The following MET variants were observed in gnomAD, a reference collection of about 807,000 sequenced individuals.
MET encodes the protein MET proto-oncogene, receptor tyrosine kinase, also known as hepatocyte growth factor receptor.
Under a neutral mutation model 133.1 loss-of-function variants are expected in MET, and 48 were observed. The observed-to-expected ratio is 0.36, with a 90% CI of 0.29 to 0.46. The LOEUF is 0.46. Among genes scored for constraint, MET ranks in the 20% least tolerant of loss-of-function variants. The pLI, the probability that MET is intolerant of heterozygous loss-of-function variation, is 1.00. For missense variants in MET, 1,442 were observed against 1,695.9 expected, an observed-to-expected ratio of 0.85 and a Z score of 2.63; for synonymous variants, 628 against 616.5, an observed-to-expected ratio of 1.02 and a Z score of -0.28.
intron 2 of MET, among the ~76,000 whole-genome samples, chr7:116,711,055 A>T (rs527888516): frequency 6.6e-6 from 1 of 152,338 alleles, no homozygotes; most frequent in South Asian, 2.1e-4. Flanking sequence ...TGTATAATAA[A>T]ATCTCTGTTC....
Position 116,755,423 on chromosome 7 carries a change from T to G in MET, c.1770T>G (p.Phe590Leu), listed in dbSNP as rs199542598. The G allele has an allele frequency of 6.2e-6, 10 of 1,614,150 alleles. No homozygotes were observed. The highest frequency in any genetic ancestry group is 8.5e-7 in the Non-Finnish European group (1 of 1,180,014). ...CCATATGTGGCTGGGACTTTGGATT[T>G]CGGAGGAATAATAAATTTGATTTAA... ...RLTICGWDFGFRRNNKFDLKK... is the reference protein window; with the variant it reads ...RLTICGWDFGLRRNNKFDLKK... Residue 590 changes from phenylalanine to leucine, a missense_variant, in exon 6 of 21, where the codon TTT (phenylalanine) becomes TTG (leucine). Phe to Leu is a conservative substitution (Grantham distance 22). Around this residue, in one of 6 missense-constraint regions of MET, gnomAD observed 762 missense variants for 792.4 expected, o/e 0.96. Coordinates refer to ENST00000397752, the MANE Select transcript of MET (RefSeq NM_000245.4).
chr7:116,731,978 G>A, intron 3 of MET, 119 bp downstream of exon 3: 1 of 983,532 alleles, frequency 1.0e-6, no homozygotes, highest in Non-Finnish European at 1.6e-6. Flanking sequence ...AGTAGAAACT[G>A]GAACACAGAC....
intron 5 of MET, 94 bp from the exon 6 acceptor site, chr7:116,755,261 A>AT: frequency 7.3e-7 from 1 of 1,378,556 alleles, no homozygotes; most frequent in East Asian, 2.4e-5. Flanking sequence ...ATTTCAGACT[A>AT]TTTAAGGATA....
chr7:116,781,745 G>A (rs1795160459), intron 17 of MET, among the ~76,000 whole-genome samples: 1 of 151,994 alleles, frequency 6.6e-6, no homozygotes, highest in Admixed American at 6.6e-5. Context: ...TTTTTTTGTG[G>A]GCGGTGGATG....
At chr7:116,744,676 G>A (rs1793597067) in intron 5 of MET, among the ~76,000 whole-genome samples, 1 of 152,102 alleles carries the variant, frequency 6.6e-6, no homozygotes, top group Non-Finnish European at 1.5e-5. Flanking sequence ...TTCAAATTCA[G>A]GAAATACAGA....
At chr7:116,754,893 GAGAAAGAAAGAAAGAAAGAA>G (rs542934651) in intron 5 of MET, among the ~76,000 whole-genome samples, 1,786 of 97,424 alleles carry the variant, frequency 0.018, 34 homozygotes, top group South Asian at 0.026. Context: ...GAGAGAAAGA[GAGAAAGAAAGAAAGAAAGAA>G]AGAAAGAAAG....
chr7:116,680,085 G>A lies in MET; in HGVS notation c.-15+7508G>A, dbSNP rs556070899. Among the ~76,000 whole-genome samples the A allele has an allele frequency of 8.6e-5, 13 of 151,854 alleles. No individual in the cohort carries two copies. The East Asian group carries it at 1.4e-3, about 16-fold the overall frequency. On this transcript the variant is annotated intron_variant, in intron 1 of 20. Coordinates refer to ENST00000397752, the MANE Select transcript of MET (RefSeq NM_000245.4). ...TGGCAATTTCTTATATCTTGAGGGG[G>A]CGGGGGGGTAAAAGGAAAATTGTGT...
In MET at chr7:116,730,308, A is replaced by G. The variant is rs1319363254; in HGVS notation, c.1201-1360A>G. Among the ~76,000 whole-genome samples the G allele has an allele frequency of 2.0e-5, 3 of 152,210 alleles. No individual in the cohort carries two copies. The South Asian group carries it at 6.2e-4, about 32-fold the overall frequency. ...AGGCCTGCTCGCTGGAGCACTAAGA[A>G]CACAGATCTGGAGAAGTTGGGCAGG... On this transcript the variant is annotated intron_variant, in intron 2 of 20. Coordinates refer to ENST00000397752, the MANE Select transcript of MET (RefSeq NM_000245.4).
chr7:116,754,951 G>GAGAA (rs1167231127), intron 5 of MET, among the ~76,000 whole-genome samples: 1 of 110,514 alleles, frequency 9.0e-6, no homozygotes, highest in Non-Finnish European at 1.9e-5. Flanking sequence ...AAGAAAGAAA[G>GAGAA]AGAAAGAAAG....
At chr7:116,750,569 C>G (rs1413345204) in intron 5 of MET, among the ~76,000 whole-genome samples, 1 of 152,170 alleles carries the variant, frequency 6.6e-6, no homozygotes, top group East Asian at 1.9e-4. Flanking sequence ...CAACAAAAGT[C>G]TAAATTGACA....
intron 1 of MET, among the ~76,000 whole-genome samples, chr7:116,679,495 C>T (rs1227946309): frequency 2.0e-5 from 3 of 152,278 alleles, no homozygotes; most frequent in Admixed American, 2.0e-4. Flanking sequence ...AATTGATTTT[C>T]CCCCTTTTAC....
chr7:116,733,193 G>A (rs1281185321), intron 3 of MET, among the ~76,000 whole-genome samples: 1 of 151,890 alleles, frequency 6.6e-6, no homozygotes, highest in African/African-American at 2.4e-5. Flanking sequence ...TGTGTAAAAT[G>A]TGTAGTATTG....
intron 1 of MET, among the ~76,000 whole-genome samples, chr7:116,681,575 T>G (rs1197227100): frequency 6.6e-6 from 1 of 152,232 alleles, no homozygotes; most frequent in Non-Finnish European, 1.5e-5. Context: ...ATTTTTCTAT[T>G]CTAAATACGA....
intron 1 of MET, among the ~76,000 whole-genome samples, chr7:116,676,386 A>G (rs1796161031): frequency 6.6e-6 from 1 of 152,212 alleles, no homozygotes; most frequent in Non-Finnish European, 1.5e-5. Context: ...AAGAATGTGA[A>G]TGAGGATTTA....
At chr7:116,672,686 G>A (rs1276610201) in intron 1 of MET, 109 bp downstream of exon 1, 4 of 372,924 alleles carry the variant, frequency 1.1e-5, no homozygotes, top group Non-Finnish European at 1.9e-5. Flanking sequence ...GCAAAACCAC[G>A]TAGGTGGGCT....
chr7:116,784,547 G>A (rs1215715680), intron 19 of MET, among the ~76,000 whole-genome samples: 2 of 152,144 alleles, frequency 1.3e-5, no homozygotes, highest in Non-Finnish European at 1.5e-5. Flanking sequence ...GACCAACGGG[G>A]CTGTGGGAAG....
At chr7:116,780,934 A>T (rs1425701220) in intron 17 of MET, among the ~76,000 whole-genome samples, 1 of 152,214 alleles carries the variant, frequency 6.6e-6, no homozygotes, top group African/African-American at 2.4e-5. Flanking sequence ...CTAACCCTGG[A>T]GGAACTGTCC....
At chr7:116,794,556 C>T (rs1437881445) in intron 19 of MET, among the ~76,000 whole-genome samples, 3 of 152,166 alleles carry the variant, frequency 2.0e-5, no homozygotes, top group East Asian at 1.9e-4. Context: ...TTCTTTCAGT[C>T]GCAGCGTTCA....
At chr7:116,759,950 A>G (rs953137438) in intron 10 of MET, among the ~76,000 whole-genome samples, 5 of 151,878 alleles carry the variant, frequency 3.3e-5, no homozygotes, top group Admixed American at 1.3e-4. Flanking sequence ...TAATTTTTGT[A>G]TTTTTTGGTA....
Sources: allele counts gnomAD v4.1 joint callset (sites outside exome capture counted in the v4.1 genomes callset), GRCh38; gene constraint gnomAD v4.1.1; regional missense constraint gnomAD v4.1.1; transcripts MANE v1.5; gene names NCBI Gene and HGNC (gene_info 2026-07-23, HGNC 2026-07-21).